The following MALRD1 variants were observed in gnomAD, a reference collection of about 807,000 sequenced individuals.
The protein encoded by MALRD1 is MAM and LDL receptor class A domain containing 1.
In MALRD1, 247 loss-of-function variants were observed where a neutral mutation model predicts 242.1. The ratio of observed to expected loss-of-function variants is 1.02; its 90% CI spans 0.92 to 1.13. The LOEUF (loss-of-function observed/expected upper bound fraction) is 1.13. Among genes scored for constraint, MALRD1 ranks in the 50% most tolerant of loss-of-function variants. The pLI is 0.00. For missense variants in MALRD1, 2,989 were observed against 2,533.1 expected, an observed-to-expected ratio of 1.18 and a Z score of -3.86; for synonymous variants, 995 against 866.6, an observed-to-expected ratio of 1.15 and a Z score of -2.60.
chr10:19,380,483 C>A (rs2130782785), intron 26 of MALRD1, among the ~76,000 whole-genome samples: 1 of 151,884 alleles, frequency 6.6e-6, no homozygotes, highest in Non-Finnish European at 1.5e-5. Flanking sequence ...GTTCTTATTT[C>A]TTTTAAAAGT....
chr10:19,645,444 C>T lies in MALRD1; in HGVS notation c.6137+29521C>T, dbSNP rs149183703. On this transcript the variant is annotated intron_variant, in intron 36 of 39. Coordinates refer to ENST00000454679, the MANE Select transcript of MALRD1 (RefSeq NM_001142308.3). ...ACATGCACACATACGTTTATTGTGG[C>T]GCTATTCACAATAGCAAAGACTTGG... Among the ~76,000 whole-genome samples, 1,409 of 152,264 alleles carry T rather than the reference C, an allele frequency of 9.3e-3. 18 individuals are homozygous for T. Among genetic ancestry groups the T allele is most frequent in the African/African-American group, 0.032 (1,318 of 41,544 alleles).
At chr10:19,176,228 T>A (rs2131544190) in intron 14 of MALRD1, among the ~76,000 whole-genome samples, 1 of 152,206 alleles carries the variant, frequency 6.6e-6, no homozygotes, top group South Asian at 2.1e-4. Flanking sequence ...GCAACAGTTG[T>A]ATTCTTACAG....
In MALRD1 at chr10:19,579,924, A is replaced by G. The variant is rs1035111890; in HGVS notation, c.5680+12221A>G. Among the ~76,000 whole-genome samples, 7 of 152,220 alleles carry G rather than the reference A, an allele frequency of 4.6e-5. 1 individual carries two copies. The highest frequency in any genetic ancestry group is 1.3e-4 in the Admixed American group (2 of 15,274). On this transcript the variant is annotated intron_variant, in intron 33 of 39. Coordinates refer to ENST00000454679, the MANE Select transcript of MALRD1 (RefSeq NM_001142308.3). ...AGCTATTAAATAAACTTTGCAGTCA[A>G]TATGAGCTAGAGCTATCAGTGAGCA...
At chr10:19,237,890 C>A (rs1490109572) in intron 18 of MALRD1, among the ~76,000 whole-genome samples, 6,603 of 26,722 alleles carry the variant, frequency 0.25, 153 homozygotes, top group Admixed American at 0.28. Context: ...TAGTTATATA[C>A]ATTATAAATA....
intron 28 of MALRD1, among the ~76,000 whole-genome samples, chr10:19,396,924 A>T (rs781570763): frequency 6.6e-6 from 1 of 152,180 alleles, no homozygotes; most frequent in African/African-American, 2.4e-5. Context: ...CAGACATTTT[A>T]AAATCATGCT....
intron 29 of MALRD1, among the ~76,000 whole-genome samples, chr10:19,456,528 A>G (rs60542954): frequency 0.061 from 9,319 of 152,114 alleles, 906 homozygotes; most frequent in African/African-American, 0.21. Context: ...TTCACACACA[A>G]ATAAATCTAT....
chr10:19,327,649 T>G lies in MALRD1; in HGVS notation c.3663T>G (p.Phe1221Leu), dbSNP rs147196255. Residue 1221 changes from phenylalanine (F) to leucine (L), a missense_variant, in exon 23 of 40, where the codon TTT (phenylalanine) becomes TTG (leucine). Physicochemically the swap from Phe to Leu is conservative, Grantham distance 22 (BLOSUM62 0). Coordinates refer to ENST00000454679, the MANE Select transcript of MALRD1 (RefSeq NM_001142308.3). ...CACAGTGGAAGAGAGCAGAAGTGTTTTTAGGCATTCGTTCACATACACAGG... is the reference window on the plus strand; with the variant it reads ...CACAGTGGAAGAGAGCAGAAGTGTTGTTAGGCATTCGTTCACATACACAGG... ...QGAQWKRAEV[F>L]LGIRSHTQIV... 1.3e-5 allele frequency: 20 copies of G among 1,549,742 alleles called. No homozygotes were observed. In the African/African-American group the frequency reaches 2.3e-4, roughly 18 times the overall value.
chr10:19,692,200 A>G (rs1833103939), intron 36 of MALRD1, 82 bp from the exon 37 acceptor site: 1 of 1,047,728 alleles, frequency 9.5e-7, no homozygotes, highest in Non-Finnish European at 1.3e-6. Flanking sequence ...ATTGACATTC[A>G]TGATTTTATC....
intron 21 of MALRD1, among the ~76,000 whole-genome samples, chr10:19,309,353 T>G (rs1485190111): frequency 1.3e-5 from 2 of 151,510 alleles, no homozygotes; most frequent in African/African-American, 4.8e-5. Context: ...TACTTCATTT[T>G]TATAAAAGAT....
chr10:19,368,890 TTTGTGTGTGTG>T lies in MALRD1; in HGVS notation c.4441+16595_4441+16605del, dbSNP rs1845234541. Among the ~76,000 whole-genome samples, 45 of 142,372 alleles carry T rather than the reference TTTGTGTGTGTG, an allele frequency of 3.2e-4. 2 individuals carry two copies. In the South Asian group the frequency reaches 9.1e-3, roughly 29 times the overall value. The allele number at this position is 142,372 out of a possible 152,430, so 93.4% of individuals were successfully genotyped here. A position where few individuals can be genotyped will look rare whatever the true frequency, so the allele number is the denominator to read the frequency against. On this transcript the variant is annotated intron_variant, in intron 26 of 39. Coordinates refer to ENST00000454679, the MANE Select transcript of MALRD1 (RefSeq NM_001142308.3). ...TTGTGTATGTGTGTGTGTGTGTGTG[TTTGTGTGTGTG>T]TGTGTGTGTGTGTGTGTGTGTATGT... is the stretch of plus-strand genomic sequence containing the variant.
chr10:19,547,828 T>A (rs1375347773), intron 32 of MALRD1, among the ~76,000 whole-genome samples: 117 of 54,718 alleles, frequency 2.1e-3, no homozygotes, highest in East Asian at 6.4e-3. Context: ...ATTTTTTTTT[T>A]TTTTTTTTTT....
intron 2 of MALRD1, among the ~76,000 whole-genome samples, chr10:19,076,021 A>G (rs375160317): frequency 6.6e-6 from 1 of 152,050 alleles, no homozygotes; most frequent in Non-Finnish European, 1.5e-5. Context: ...CCCCTTAAAC[A>G]CTAATTAATG....
chr10:19,147,816 G>A (rs1286804349), intron 11 of MALRD1, among the ~76,000 whole-genome samples: 1 of 152,166 alleles, frequency 6.6e-6, no homozygotes, highest in Non-Finnish European at 1.5e-5. Flanking sequence ...AAAGTAGTCA[G>A]GAAGCCAGAA....
Position 19,423,497 on chromosome 10 carries a change from G to C in MALRD1, c.4846-26810G>C, listed in dbSNP as rs560661374. 3.3e-5 allele frequency among the ~76,000 whole-genome samples: 5 copies of C among 152,074 alleles called. No individual in the cohort carries two copies. In the South Asian group the frequency reaches 1.0e-3, roughly 32 times the overall value. ...AAACCTACAATGAAGTGCTCTAAGTGAATGGTGATGGCAAAGTTTAAACAA... is the reference window on the plus strand; with the variant it reads ...AAACCTACAATGAAGTGCTCTAAGTCAATGGTGATGGCAAAGTTTAAACAA... On this transcript the variant is annotated intron_variant, in intron 28 of 39. Coordinates refer to ENST00000454679, the MANE Select transcript of MALRD1 (RefSeq NM_001142308.3).
intron 36 of MALRD1, among the ~76,000 whole-genome samples, chr10:19,658,362 A>C (rs1365728888): frequency 2.0e-5 from 3 of 152,144 alleles, no homozygotes; most frequent in Admixed American, 2.0e-4. Flanking sequence ...ATCTGAAAAA[A>C]ATAATGCATA....
At position 19,171,712 on chromosome 10, in the gene MALRD1, G is replaced by A. The variant is rs1244718990; in HGVS notation, c.1831-3496G>A. Among the ~76,000 whole-genome samples the A allele has an allele frequency of 1.8e-4, 22 of 125,506 alleles. 2 individuals are homozygous for A. The highest frequency in any genetic ancestry group is 5.7e-4 in the Admixed American group (7 of 12,388). The allele number at this position is 125,506 out of a possible 152,430, so 82.3% of individuals were successfully genotyped here. On this transcript the variant is annotated intron_variant, in intron 13 of 39. Transcript: ENST00000454679. ...TGTGTGTATGTGTGTGTATATATAC[G>A]TATATACACGTATATACGTATATAT...
At chr10:19,172,599 C>T (rs534139417) in intron 13 of MALRD1, among the ~76,000 whole-genome samples, 1 of 151,320 alleles carries the variant, frequency 6.6e-6, no homozygotes, top group South Asian at 2.1e-4. Context: ...CCAGGGCCCA[C>T]CCATTCCATT....
chr10:19,125,344 TC>T (rs1564408035), intron 7 of MALRD1, among the ~76,000 whole-genome samples: 1 of 98,078 alleles, frequency 1.0e-5, no homozygotes, highest in African/African-American at 4.3e-5. Context: ...TTTCTTTCTT[TC>T]TTTCTTTCTT....
intron 18 of MALRD1, among the ~76,000 whole-genome samples, chr10:19,251,471 G>T (rs145680313): frequency 6.6e-6 from 1 of 152,030 alleles, no homozygotes; most frequent in African/African-American, 2.4e-5. Context: ...TGACATGCAG[G>T]TAAACATCCC....
Sources: gnomAD v4.1 joint callset for allele counts (sites outside exome capture counted in the v4.1 genomes callset) on GRCh38, gnomAD v4.1.1 for gene constraint, MANE v1.5 for transcripts, NCBI Gene and HGNC (gene_info 2026-07-23, HGNC 2026-07-21) for gene names.